TMEM255A: variants seen among roughly 807,000 people sequenced by gnomAD.
TMEM255A encodes family with sequence similarity 70, member A.
Under a neutral mutation model 23.5 loss-of-function variants are expected in TMEM255A, and 14 were observed. That is an observed-to-expected ratio of 0.60 (90% CI 0.39 to 0.93). The LOEUF is 0.93. Ranked by LOEUF, TMEM255A falls within the 40% of genes least tolerant of loss-of-function variation. TMEM255A has a pLI of 0.00. For missense variants in TMEM255A, 233 were observed against 261.7 expected, an observed-to-expected ratio of 0.89 and a Z score of 0.76; for synonymous variants, 104 against 100.3, an observed-to-expected ratio of 1.04 and a Z score of -0.22.
intron 7 of TMEM255A, among the ~76,000 whole-genome samples, chrX:120,274,695 G>A (rs1569334239): frequency 8.9e-6 from 1 of 111,963 alleles, no homozygotes; most frequent in Non-Finnish European, 1.9e-5. Context: ...CACCTCTGTG[G>A]CCTACTAGCC....
intron 4 of TMEM255A, among the ~76,000 whole-genome samples, chrX:120,290,717 C>G (rs1188186437): frequency 1.8e-5 from 2 of 111,725 alleles, no homozygotes; most frequent in African/African-American, 6.5e-5. Context: ...GTAGAGGGGC[C>G]TACATTTATA....
At chrX:120,300,959 C>A (rs1556025904) in intron 2 of TMEM255A, among the ~76,000 whole-genome samples, 2 of 110,654 alleles carry the variant, frequency 1.8e-5, no homozygotes, top group Admixed American at 9.7e-5. Context: ...TGGCCTCAAG[C>A]TATCCTCCCA....
chrX:120,266,583 G>A (rs2057719371), intron 8 of TMEM255A, among the ~76,000 whole-genome samples: 1 of 112,202 alleles, frequency 8.9e-6, no homozygotes, highest in Non-Finnish European at 1.9e-5. Flanking sequence ...ATCACCAGAT[G>A]TATTATTGTC....
chrX:120,281,870 C>T (rs1300076295), intron 6 of TMEM255A, among the ~76,000 whole-genome samples: 1 of 112,017 alleles, frequency 8.9e-6, no homozygotes, highest in Non-Finnish European at 1.9e-5. Context: ...CACCTTCCTG[C>T]ATGAGGCTAA....
chrX:120,293,903 CAAACTTAAG>C (rs2057934481), intron 3 of TMEM255A, 77 bp downstream of exon 3: 2 of 714,335 alleles, frequency 2.8e-6, no homozygotes, highest in African/African-American at 2.1e-5. Flanking sequence ...CCAAATCACA[CAAACTTAAG>C]AAATGTGTTA....
intron 5 of TMEM255A, chrX:120,285,524 G>A: frequency 9.4e-7 from 1 of 1,064,601 alleles, no homozygotes. Context: ...TGAAGGAAAT[G>A]AGAATATGAG....
rs2057810305 is a variant in TMEM255A, at chrX:120,277,933, A to G, written c.513-886T>C. Among the ~76,000 whole-genome samples, 3 of 112,002 alleles carry G rather than the reference A, an allele frequency of 2.7e-5. No homozygotes were observed. The South Asian group carries it at 1.1e-3, about 42-fold the overall frequency. ...TTTGTCCCTCCAAATTCATGTGTTA[A>G]AGCCCTATCCCCCAATGTGACTGTA... On this transcript the variant is annotated intron_variant, in intron 6 of 8. Coordinates refer to ENST00000371369, the MANE Select transcript of TMEM255A (RefSeq NM_001104544.3).
intron 2 of TMEM255A, among the ~76,000 whole-genome samples, chrX:120,300,103 A>G (rs1211536003): frequency 9.0e-6 from 1 of 111,544 alleles, no homozygotes; most frequent in Non-Finnish European, 1.9e-5. Context: ...GGCTTGTCTC[A>G]CTATCCAGGG....
chrX:120,304,740 C>T (rs1556026697), intron 1 of TMEM255A, among the ~76,000 whole-genome samples: 2 of 111,303 alleles, frequency 1.8e-5, no homozygotes, highest in South Asian at 3.8e-4. Context: ...TCACCAGTTA[C>T]GTAAAAACAA....
intron 2 of TMEM255A, among the ~76,000 whole-genome samples, chrX:120,303,318 T>A (rs2058044584): frequency 9.0e-6 from 1 of 111,331 alleles, no homozygotes; most frequent in Non-Finnish European, 1.9e-5. Flanking sequence ...CGTGTGAATG[T>A]CAGGTGATCA....
Position 120,279,938 on chromosome X carries a change from G to T in TMEM255A, c.513-2891C>A, listed in dbSNP as rs183291977. ...ACTTTATTTTGTTTTTTGTTTGTTT[G>T]GTTGGTTGGGTTTTTTCTTTTTCTT... On this transcript the variant is annotated intron_variant, in intron 6 of 8. Coordinates refer to ENST00000371369, the MANE Select transcript of TMEM255A (RefSeq NM_001104544.3). Among the ~76,000 whole-genome samples the T allele has an allele frequency of 7.0e-4, 74 of 105,824 alleles. 1 individual carries two copies. Among genetic ancestry groups the T allele is most frequent in the African/African-American group, 2.4e-3 (69 of 29,144 alleles). The allele number at this position is 105,824 out of a possible 115,157, so 91.9% of individuals were successfully genotyped here. A position where few individuals can be genotyped will look rare whatever the true frequency, so the allele number is the denominator to read the frequency against.
At chrX:120,264,036 C>G (rs1464680286) in intron 8 of TMEM255A, among the ~76,000 whole-genome samples, 4 of 111,680 alleles carry the variant, frequency 3.6e-5, no homozygotes, top group African/African-American at 6.5e-5. Flanking sequence ...TAGGTTGAGA[C>G]TTTCGTTTTA....
At chrX:120,278,146 GAC>G (rs1443623200) in intron 6 of TMEM255A, among the ~76,000 whole-genome samples, 1 of 7,221 alleles carries the variant, frequency 1.4e-4, no homozygotes, top group Non-Finnish European at 2.8e-4. Context: ...CCCCGACCCC[GAC>G]TTTCGTTCTC....
chrX:120,277,027 C>G lies in TMEM255A; in HGVS notation c.533G>C (p.Gly178Ala), dbSNP rs782436437. ...GCTGACATCGATGTATTCGTAGTACCCACCAGTGATCTCCACCCGGCTGGA... is the reference window on the plus strand; with the variant it reads ...GCTGACATCGATGTATTCGTAGTACGCACCAGTGATCTCCACCCGGCTGGA... The part of the protein sequence containing the change: ...NCGNRVEITG[G>A]YYEYIDVSSC... Residue 178 changes from glycine to alanine, a missense_variant, in exon 7 of 9, where the codon GGG becomes GCG. Physicochemically the swap from Gly to Ala is moderately conservative, Grantham distance 60. Coordinates refer to ENST00000371369, the MANE Select transcript of TMEM255A (RefSeq NM_001104544.3). 1 of 1,209,136 alleles carries G rather than the reference C, an allele frequency of 8.3e-7. No individual in the cohort carries two copies. The highest frequency in any genetic ancestry group is 1.1e-6 in the Non-Finnish European group (1 of 894,198).
At chrX:120,282,739 CAT>C (rs2057845696) in intron 6 of TMEM255A, among the ~76,000 whole-genome samples, 1 of 112,353 alleles carries the variant, frequency 8.9e-6, no homozygotes, top group African/African-American at 3.2e-5. Flanking sequence ...TTGACAGGAA[CAT>C]AGAATGGACT....
At chrX:120,253,813 G>A (rs2057615719), downstream of TMEM255A, 1 of 1,209,333 alleles carries the variant, frequency 8.3e-7, no homozygotes, top group Admixed American at 2.2e-5. Context: ...GCGCAGGATG[G>A]TAATACTGAG....
chrX:120,289,993 T>C (rs1302739518), intron 4 of TMEM255A, among the ~76,000 whole-genome samples: 1 of 111,333 alleles, frequency 9.0e-6, no homozygotes, highest in African/African-American at 3.3e-5. Context: ...AAAGAAAGTA[T>C]ATTAGTGGTT....
intron 1 of TMEM255A, 55 bp downstream of exon 1, chrX:120,311,197 G>T: frequency 9.5e-7 from 1 of 1,049,193 alleles, no homozygotes; most frequent in Non-Finnish European, 1.3e-6. Flanking sequence ...CAGTCCAGAG[G>T]CCAGGGCACT....
intron 5 of TMEM255A, 31 bp from the exon 6 acceptor site, chrX:120,285,246 TG>T: frequency 8.1e-6 from 9 of 1,115,962 alleles, no homozygotes; most frequent in Non-Finnish European, 9.9e-6. Context: ...GGAGATGAGC[TG>T]GCATTGGATA....
Sources: allele counts gnomAD v4.1 joint callset (sites outside exome capture counted in the v4.1 genomes callset), GRCh38; gene constraint gnomAD v4.1.1; transcripts MANE v1.5; gene names NCBI Gene and HGNC (gene_info 2026-07-23, HGNC 2026-07-21).